STARD9: variants seen among roughly 807,000 people sequenced by gnomAD.
The protein encoded by STARD9 is stAR-related lipid transfer protein 9.
A neutral mutation model predicts 399.8 loss-of-function variants in STARD9; 346 were observed. The ratio of observed to expected loss-of-function variants is 0.87; its 90% CI spans 0.79 to 0.95. The LOEUF is 0.95. Ranked by LOEUF, STARD9 falls within the 40% of genes least tolerant of loss-of-function variation. The pLI, the probability that STARD9 is intolerant of heterozygous loss-of-function variation, is 0.00. For missense variants in STARD9, 5,832 were observed against 5,667.5 expected (o/e 1.03, Z -0.93); for synonymous variants, 2,203 against 2,143.5 (o/e 1.03, Z -0.77).
At chr15:42,637,060 A>G (rs1038514679) in intron 4 of STARD9, among the ~76,000 whole-genome samples, 4 of 121,120 alleles carry the variant, frequency 3.3e-5, no homozygotes, top group African/African-American at 1.3e-4. Context: ...GTGAAACTCC[A>G]TTTCAAAAAA....
chr15:42,626,922 C>T (rs952515038), intron 3 of STARD9, among the ~76,000 whole-genome samples: 1 of 151,774 alleles, frequency 6.6e-6, no homozygotes, highest in African/African-American at 2.4e-5. Context: ...GTGATGTCGG[C>T]TCACTGCAAC....
chr15:42,673,913 T>C, intron 16 of STARD9: 1 of 456,516 alleles, frequency 2.2e-6, no homozygotes, highest in Non-Finnish European at 4.4e-6. Context: ...TTTGTGCTTT[T>C]ACCCTTCTTA....
In STARD9 at chr15:42,674,485, G is replaced by T; in HGVS notation, c.1543G>T (p.Asp515Tyr). The T allele has an allele frequency of 1.3e-6, 2 of 1,537,122 alleles. No homozygotes were observed. Among genetic ancestry groups the T allele is most frequent in the South Asian group, 2.4e-5 (2 of 84,046 alleles). Residue 515 changes from aspartate (D) to tyrosine (Y), a missense_variant, in exon 17 of 33, where the codon GAC (aspartate) becomes TAC (tyrosine). By Grantham distance (160) the Asp-to-Tyr change is radical. Coordinates refer to ENST00000290607, the MANE Select transcript of STARD9 (RefSeq NM_020759.3). ...AAGGATTGACTCAGACCAGGAACAG[G>T]ACATTGGTAAGTGGCAGAGTATATG... ...IGRIDSDQEQ[D>Y]IVLQGQWIER... is the part of the protein sequence containing the mutation.
At chr15:42,577,888 T>C (rs1436216603) in intron 1 of STARD9, among the ~76,000 whole-genome samples, 1 of 152,212 alleles carries the variant, frequency 6.6e-6, no homozygotes. Flanking sequence ...TGACAGTCAT[T>C]GGATCTGATG....
intron 1 of STARD9, chr15:42,581,423 C>CA: frequency 6.6e-7 from 1 of 1,525,950 alleles, no homozygotes; most frequent in Non-Finnish European, 9.0e-7. Flanking sequence ...CGCTGATGGC[C>CA]ACGGTGTGGG....
At chr15:42,613,627 A>G (rs1264492899) in intron 3 of STARD9, among the ~76,000 whole-genome samples, 1 of 152,228 alleles carries the variant, frequency 6.6e-6, no homozygotes, top group African/African-American at 2.4e-5. Context: ...TTAGCAGATA[A>G]TAAGTGCTGT....
At position 42,685,481 on chromosome 15, in the gene STARD9, C is replaced by T; in HGVS notation, c.3903C>T (p.Pro1301=). Residue 1301 remains proline (P), a synonymous_variant, in exon 23 of 33, where the codon CCC becomes CCT. Transcript: ENST00000290607. ...TCCAACCCCATTGTGAGCTCCAGCC[C>T]CATTGTGAGCAGGCTGAATCACAGG... The part of the protein sequence containing the change: ...CELQPHCELQ[P]HCEQAESQVE... The T allele has an allele frequency of 6.5e-7, 1 of 1,537,132 alleles. No individual in the cohort carries two copies. The highest frequency in any genetic ancestry group is 8.7e-7 in the Non-Finnish European group (1 of 1,146,862).
chr15:42,582,068 A>G (rs2058183922), intron 1 of STARD9, among the ~76,000 whole-genome samples: 1 of 152,124 alleles, frequency 6.6e-6, no homozygotes, highest in Non-Finnish European at 1.5e-5. Context: ...AAGCCTAGGA[A>G]ATTGAGGCTG....
rs184219872 is a variant in STARD9 at position 42,696,116 on chromosome 15, G to A, written c.13284+236G>A. On this transcript the variant is annotated intron_variant, in intron 26 of 32. Transcript: ENST00000290607. ...TGTGGGTATTATTTTAGGATACAGC[G>A]GTGAGCAAAACTGTTCTTGTCCTTA... Among the ~76,000 whole-genome samples the A allele has an allele frequency of 1.5e-3, 221 of 152,322 alleles. 1 individual carries two copies. The highest frequency in any genetic ancestry group is 4.3e-3 in the African/African-American group (179 of 41,558).
intron 3 of STARD9, among the ~76,000 whole-genome samples, chr15:42,592,483 C>G (rs2058418236): frequency 6.6e-6 from 1 of 151,804 alleles, no homozygotes; most frequent in Non-Finnish European, 1.5e-5. Flanking sequence ...CTCACTCTGT[C>G]ACCCAGGCTG....
intron 13 of STARD9, among the ~76,000 whole-genome samples, 184 bp downstream of exon 13, chr15:42,664,101 A>C (rs1462323747): frequency 2.0e-5 from 3 of 152,104 alleles, no homozygotes; most frequent in Non-Finnish European, 4.4e-5. Context: ...TACTGCCTTC[A>C]TTCAGTAACC....
chr15:42,575,802 A>G, intron 1 of STARD9, 40 bp downstream of exon 1: 1 of 1,530,552 alleles, frequency 6.5e-7, no homozygotes, highest in Non-Finnish European at 8.8e-7. Flanking sequence ...GCTTCACAGG[A>G]GCTGAAAAGA....
rs770511313 is a variant in STARD9, at chr15:42,690,514, A to C, written c.8936A>C (p.Asp2979Ala). The change falls in exon 23 of 33, where the codon GAT becomes GCT. Residue 2979 changes from aspartate (D) to alanine (A), a missense_variant. Coordinates refer to ENST00000290607, the MANE Select transcript of STARD9 (RefSeq NM_020759.3). ...TCCTCTACTTTACTGTGTTTTAGAG[A>C]TGGTGACCTAGGGAAGGAGCCTTTC... ...SHSSTLLCFR[D>A]GDLGKEPFKA... 2 of 1,537,026 alleles carry C rather than the reference A, an allele frequency of 1.3e-6. No individual in the cohort carries two copies. Among genetic ancestry groups the C allele is most frequent in the South Asian group, 2.4e-5 (2 of 84,058 alleles).
In STARD9 at chr15:42,689,420, G is replaced by A. The variant is rs764602419; in HGVS notation, c.7842G>A (p.Pro2614=). Reference sequence around the variant, plus strand: ...AGACCAGGAATGAGGGTGAAGCACCGGGATTTCATGTGGCATCTCTATCTG... The same window carrying A: ...AGACCAGGAATGAGGGTGAAGCACCAGGATTTCATGTGGCATCTCTATCTG... ...SDQTRNEGEA[P]GFHVASLSAE... Residue 2614 remains proline, a synonymous_variant, in exon 23 of 33, where the codon CCG becomes CCA. Transcript: ENST00000290607. 5.5e-5 allele frequency: 84 copies of A among 1,537,258 alleles called. No homozygotes were observed. Among genetic ancestry groups the A allele is most frequent in the African/African-American group, 4.2e-4 (31 of 73,048 alleles).
At chr15:42,714,707 C>T (rs2061319920) in intron 26 of STARD9, among the ~76,000 whole-genome samples, 1 of 152,192 alleles carries the variant, frequency 6.6e-6, no homozygotes, top group Non-Finnish European at 1.5e-5. Context: ...GCCTCCCAGG[C>T]AACTGTACTA....
At chr15:42,660,930 TCTG>T (rs903472875) in intron 9 of STARD9, among the ~76,000 whole-genome samples, 1 of 150,090 alleles carries the variant, frequency 6.7e-6, no homozygotes, top group Non-Finnish European at 1.5e-5. Flanking sequence ...GTCTGTAAGT[TCTG>T]CTGGTGTTTT....
In STARD9 at chr15:42,719,516, C is replaced by G; in HGVS notation, c.14045C>G (p.Ser4682Cys). The G allele has an allele frequency of 6.5e-7, 1 of 1,537,238 alleles. No homozygotes were observed. Among genetic ancestry groups the G allele is most frequent in the Non-Finnish European group, 8.7e-7 (1 of 1,146,892 alleles). Residue 4682 changes from serine to cysteine, a missense_variant, in exon 33 of 33, where the codon TCT becomes TGT. By Grantham distance (112) the Ser-to-Cys change is moderately radical. Coordinates refer to ENST00000290607, the MANE Select transcript of STARD9 (RefSeq NM_020759.3). The stretch of plus-strand genomic sequence containing the variant: ...GGCTTCCCACCTCAGCTCCTGAGCT[C>G]TTTCATCAAACGGCAGCCACTGGTT... Reference protein sequence around the residue: ...APGFPPQLLSSFIKRQPLVIA... With the variant: ...APGFPPQLLSCFIKRQPLVIA...
Position 42,688,245 on chromosome 15 carries a change from A to G in STARD9, c.6667A>G (p.Asn2223Asp), listed in dbSNP as rs2140254604. 6.5e-7 allele frequency: 1 copy of G among 1,537,608 alleles called. No homozygotes were observed. Among genetic ancestry groups the G allele is most frequent in the East Asian group, 2.4e-5 (1 of 40,920 alleles). ...CAGGCTAGAGAGGTCTTCTAAGAAT[A>G]ATGGCCAGTTTGTAAAAGCATCAGC... ...QPRLERSSKN[N>D]GQFVKASASL... Residue 2223 changes from asparagine (N) to aspartate (D), a missense_variant, in exon 23 of 33, where the codon AAT becomes GAT. Asn to Asp is a conservative substitution (Grantham distance 23). Transcript: ENST00000290607.
At chr15:42,631,296 A>C (rs1184460891) in intron 3 of STARD9, among the ~76,000 whole-genome samples, 1 of 152,088 alleles carries the variant, frequency 6.6e-6, no homozygotes, top group Non-Finnish European at 1.5e-5. Flanking sequence ...GTTTCAAGAA[A>C]TTTAGGCCAG....
Sources: allele counts gnomAD v4.1 joint callset (sites outside exome capture counted in the v4.1 genomes callset), GRCh38; gene constraint gnomAD v4.1.1; transcripts MANE v1.5; gene names NCBI Gene and HGNC (gene_info 2026-07-23, HGNC 2026-07-21).